The following IGF1R variants were observed in gnomAD, a reference collection of about 807,000 sequenced individuals.
IGF1R encodes the protein insulin like growth factor 1 receptor.
IGF1R carries 44 observed loss-of-function variants against 144.6 expected under a neutral mutation model. That is an observed-to-expected ratio of 0.30 (90% CI 0.24 to 0.39). The LOEUF is 0.39. Ranked by LOEUF, IGF1R falls within the 10% of genes least tolerant of loss-of-function variation. The pLI is 1.00. For synonymous variants in IGF1R, 795 were observed against 722.8 expected, an observed-to-expected ratio of 1.10 and a Z score of -1.60; for missense variants, 1,355 against 1,833.7, an observed-to-expected ratio of 0.74 and a Z score of 4.77.
intron 2 of IGF1R, among the ~76,000 whole-genome samples, chr15:98,738,270 A>C (rs933612932): frequency 6.6e-6 from 1 of 152,206 alleles, no homozygotes; most frequent in Non-Finnish European, 1.5e-5. Flanking sequence ...TGCTGGACTC[A>C]AGGGATCCTT....
chr15:98,777,087 GGTCT>G (rs2055736563), intron 2 of IGF1R, among the ~76,000 whole-genome samples: 1 of 152,154 alleles, frequency 6.6e-6, no homozygotes, highest in African/African-American at 2.4e-5. Context: ...GGAGGGCTGC[GGTCT>G]GTTTCCCGGG....
rs541138378 is a variant in IGF1R at position 98,939,423 on chromosome 15, G to A, written c.3457+63G>A. ...ACTCAGGTGTTTTGAGGACTTTGTT[G>A]GCATTAGTCTGCCCCTGGAGAGGTT... On this transcript the variant is annotated intron_variant, in intron 18 of 20. Transcript: ENST00000650285. The A allele has an allele frequency of 1.3e-4, 193 of 1,527,444 alleles. 1 individual carries two copies. The African/African-American group carries it at 2.2e-3, about 17-fold the overall frequency. The allele number at this position is 1,527,444 out of a possible 1,614,324, so 94.6% of individuals were successfully genotyped here.
At chr15:98,676,886 T>C (rs1185588268) in intron 1 of IGF1R, among the ~76,000 whole-genome samples, 17 of 152,142 alleles carry the variant, frequency 1.1e-4, no homozygotes, top group Non-Finnish European at 2.2e-4. Flanking sequence ...AAGGAATCTT[T>C]ATTCCCCATT....
Position 98,964,393 on chromosome 15 carries a change from CTG to C in IGF1R, c.*6952_*6953del, listed in dbSNP as rs1395497988. 1.3e-5 allele frequency: 3 copies of C among 230,412 alleles called. No individual in the cohort carries two copies. The highest frequency in any genetic ancestry group is 1.7e-5 in the Non-Finnish European group (2 of 116,186). 14.3% of individuals were successfully genotyped at this position (230,412 alleles called of 1,614,324 possible). A position where few individuals can be genotyped will look rare whatever the true frequency, so the allele number is the denominator to read the frequency against. ...TTTATTCCTGTTATTGCGATATACT[CTG>C]GATTCTTTACATAATGGAAAAAAGA... On this transcript the variant is annotated 3_prime_UTR_variant, in exon 21 of 21. Coordinates refer to ENST00000650285, the MANE Select transcript of IGF1R (RefSeq NM_000875.5).
At chr15:98,695,618 T>C (rs2053577554) in intron 1 of IGF1R, among the ~76,000 whole-genome samples, 1 of 152,130 alleles carries the variant, frequency 6.6e-6, no homozygotes, top group African/African-American at 2.4e-5. Context: ...CCAAAAGAGT[T>C]CTCATAGTAA....
intron 20 of IGF1R, 82 bp downstream of exon 20, chr15:98,948,790 A>ATT: frequency 2.0e-6 from 3 of 1,491,044 alleles, no homozygotes; most frequent in Non-Finnish European, 2.8e-6. Flanking sequence ...AGATTAGGAG[A>ATT]TTAAAGCCAT....
At chr15:98,667,639 C>T (rs1238951050) in intron 1 of IGF1R, among the ~76,000 whole-genome samples, 1 of 152,038 alleles carries the variant, frequency 6.6e-6, no homozygotes, top group African/African-American at 2.4e-5. Flanking sequence ...AGGCCTGGAC[C>T]TGCTGGATTC....
At chr15:98,905,979 GTTTTAT>G (rs1567189841) in intron 5 of IGF1R, among the ~76,000 whole-genome samples, 1 of 152,138 alleles carries the variant, frequency 6.6e-6, no homozygotes, top group Non-Finnish European at 1.5e-5. Flanking sequence ...TTTGACAAGG[GTTTTAT>G]TTTTATTTTT....
At position 98,961,062 on chromosome 15, in the gene IGF1R, A is replaced by G. The variant is rs771709187; in HGVS notation, c.*3620A>G. 1.1e-4 allele frequency: 25 copies of G among 233,650 alleles called. No homozygotes were observed. The highest frequency in any genetic ancestry group is 1.3e-3 in the Middle Eastern group (1 of 786). 14.5% of individuals were successfully genotyped at this position (233,650 alleles called of 1,614,324 possible). Reference sequence around the variant, plus strand: ...GCCTAAGCGTGGATGGCTCCTCGGCAATTCCAGCCTAAGTGAAGGCGCTCA... The same window carrying G: ...GCCTAAGCGTGGATGGCTCCTCGGCGATTCCAGCCTAAGTGAAGGCGCTCA... On this transcript the variant is annotated 3_prime_UTR_variant, in exon 21 of 21. Coordinates refer to ENST00000650285, the MANE Select transcript of IGF1R (RefSeq NM_000875.5).
At chr15:98,740,994 TA>T (rs931272345) in intron 2 of IGF1R, among the ~76,000 whole-genome samples, 2 of 152,124 alleles carry the variant, frequency 1.3e-5, no homozygotes, top group African/African-American at 4.8e-5. Context: ...ATTTGTGGTT[TA>T]AAAAAAATTC....
At chr15:98,843,055 C>T (rs1470416749) in intron 2 of IGF1R, among the ~76,000 whole-genome samples, 2 of 152,194 alleles carry the variant, frequency 1.3e-5, no homozygotes, top group African/African-American at 4.8e-5. Context: ...AGTCAAACTG[C>T]TTCCTCTTGC....
At chr15:98,812,820 T>C (rs548414003) in intron 2 of IGF1R, among the ~76,000 whole-genome samples, 1 of 152,130 alleles carries the variant, frequency 6.6e-6, no homozygotes, top group Admixed American at 6.5e-5. Context: ...TGGGGCATTG[T>C]CCTTGGGCTT....
Position 98,935,546 on chromosome 15 carries a change from C to G in IGF1R, c.3297+120C>G. ...GTTTACTTTCCAGCATCCAGTGTTTCTTACTGCATGCTCAGTTGTAGGTCA... is the reference window on the plus strand; with the variant it reads ...GTTTACTTTCCAGCATCCAGTGTTTGTTACTGCATGCTCAGTTGTAGGTCA... On this transcript the variant is annotated intron_variant, in intron 17 of 20. Transcript: ENST00000650285. This position sits in a 1 kb window ranked among gnomAD's most constrained non-coding sequence, Gnocchi z 4.2. 1 of 734,580 alleles carries G rather than the reference C, an allele frequency of 1.4e-6. No individual in the cohort carries two copies. The highest frequency in any genetic ancestry group is 2.0e-5 in the Admixed American group (1 of 49,978). 45.5% of individuals were successfully genotyped at this position (734,580 alleles called of 1,614,324 possible). A position where few individuals can be genotyped will look rare whatever the true frequency, so the allele number is the denominator to read the frequency against.
Position 98,922,427 on chromosome 15 carries a change from C to T in IGF1R, c.2481C>T (p.Pro827=), listed in dbSNP as rs762336538. 18 of 1,609,850 alleles carry T rather than the reference C, an allele frequency of 1.1e-5. No homozygotes were observed. The East Asian group carries it at 2.2e-4, about 20-fold the overall frequency. The stretch of plus-strand genomic sequence containing the variant: ...ACTTCGTCTTTGCAAGGACTATGCC[C>T]GCAGGTATGGTATGATCCAGCTGGC... ...ASNFVFARTM[P]AEGADDIPGP... Residue 827 remains proline (P), a synonymous_variant, in exon 11 of 21, where the codon CCC becomes CCT. Transcript: ENST00000650285.
chr15:98,736,785 G>A (rs1411913576), intron 2 of IGF1R, among the ~76,000 whole-genome samples: 1 of 151,652 alleles, frequency 6.6e-6, no homozygotes, highest in Admixed American at 6.6e-5. Context: ...CTGATTTTTT[G>A]TATTTTAGTA....
At chr15:98,659,372 A>C (rs944944307) in intron 1 of IGF1R, among the ~76,000 whole-genome samples, 1 of 151,902 alleles carries the variant, frequency 6.6e-6, no homozygotes, top group East Asian at 1.9e-4. Flanking sequence ...TCCAGTGTGC[A>C]CTTTGCCCAT....
At position 98,958,480 on chromosome 15, in the gene IGF1R, T is replaced by G. The variant is rs1337677095; in HGVS notation, c.*1038T>G. On this transcript the variant is annotated 3_prime_UTR_variant, in exon 21 of 21. Coordinates refer to ENST00000650285, the MANE Select transcript of IGF1R (RefSeq NM_000875.5). Reference sequence around the variant, plus strand: ...GACTCAGCCCCACTGTTGATGCAGGTTTGCAAGGAAAGAAATTCAAACACC... The same window carrying G: ...GACTCAGCCCCACTGTTGATGCAGGGTTGCAAGGAAAGAAATTCAAACACC... 4 of 204,788 alleles carry G rather than the reference T, an allele frequency of 2.0e-5. No homozygotes were observed. The highest frequency in any genetic ancestry group is 4.0e-5 in the Non-Finnish European group (4 of 101,056). 12.7% of individuals were successfully genotyped at this position (204,788 alleles called of 1,614,324 possible).
At chr15:98,770,535 C>T (rs1278054179) in intron 2 of IGF1R, among the ~76,000 whole-genome samples, 2 of 152,168 alleles carry the variant, frequency 1.3e-5, no homozygotes, top group Admixed American at 6.5e-5. Context: ...GATCATTATA[C>T]ATTGCATACA....
chr15:98,764,311 A>G (rs950298929), intron 2 of IGF1R, among the ~76,000 whole-genome samples: 1 of 151,986 alleles, frequency 6.6e-6, no homozygotes, highest in African/African-American at 2.4e-5. Context: ...CTTTGGCAGG[A>G]TTTTTTTTGT....
Sources: allele counts gnomAD v4.1 joint callset (sites outside exome capture counted in the v4.1 genomes callset), GRCh38; gene constraint gnomAD v4.1.1; non-coding constraint Gnocchi (gnomAD v3.1); transcripts MANE v1.5; gene names NCBI Gene and HGNC (gene_info 2026-07-23, HGNC 2026-07-21).